The following PTPN14 variants were observed in gnomAD, a reference collection of about 807,000 sequenced individuals.
PTPN14 encodes the protein protein tyrosine phosphatase non-receptor type 14, also known as tyrosine-protein phosphatase non-receptor type 14.
In PTPN14, 53 loss-of-function variants were observed where a neutral mutation model predicts 126.8. That is an observed-to-expected ratio of 0.42 (90% CI 0.34 to 0.53). The LOEUF (loss-of-function observed/expected upper bound fraction) is 0.53, where lower values mean the gene tolerates loss of function less well. Among genes scored for constraint, PTPN14 ranks in the 20% least tolerant of loss-of-function variants. PTPN14 has a pLI of 0.08. For missense variants in PTPN14, 1,257 were observed against 1,552.9 expected (o/e 0.81, Z 3.20); for synonymous variants, 630 against 599.3 (o/e 1.05, Z -0.75).
intron 3 of PTPN14, among the ~76,000 whole-genome samples, chr1:214,419,713 G>A (rs1244477425): frequency 6.6e-6 from 1 of 152,160 alleles, no homozygotes; most frequent in Non-Finnish European, 1.5e-5. Flanking sequence ...AAAGAGACAA[G>A]TAGTCCTAGA....
chr1:214,531,541 C>CACACACACACACACAT (rs1655548596), intron 1 of PTPN14: 1 of 152,044 alleles, frequency 6.6e-6, no homozygotes, highest in Non-Finnish European at 1.5e-5. Flanking sequence ...CACACACACA[C>CACACACACACACACAT]ATTCTCTGCC....
intron 1 of PTPN14, among the ~76,000 whole-genome samples, chr1:214,497,219 C>T (rs1264194812): frequency 2.0e-5 from 3 of 152,040 alleles, no homozygotes; most frequent in East Asian, 1.9e-4. Flanking sequence ...TCAAAGAAAT[C>T]TCAATAATCG....
chr1:214,372,308 T>C lies in PTPN14; in HGVS notation c.3036+403A>G, dbSNP rs1472310849. 4 of 126,762 alleles carry C rather than the reference T, an allele frequency of 3.2e-5. No individual in the cohort carries two copies. In the Admixed American group the frequency reaches 3.4e-4, roughly 11 times the overall value. 7.9% of individuals were successfully genotyped at this position (126,762 alleles called of 1,614,324 possible). On this transcript the variant is annotated intron_variant, in intron 16 of 18. Coordinates refer to ENST00000366956, the MANE Select transcript of PTPN14 (RefSeq NM_005401.5). ...GGCATGTGGAGCTGGGTGCCTGGAG[T>C]TGGGCGTCTATGTCGATTTGCCCAG...
At chr1:214,483,405 C>T in intron 1 of PTPN14, 21 of 1,565,944 alleles carry the variant, frequency 1.3e-5, no homozygotes, top group Admixed American at 1.7e-5. Flanking sequence ...CCAGGCCGAC[C>T]GGGTGGGCAC....
rs562390293 is a variant in PTPN14 at position 214,406,513 on chromosome 1, A to C, written c.511-3560T>G. On this transcript the variant is annotated intron_variant, in intron 5 of 18. Transcript: ENST00000366956. Reference sequence around the variant, plus strand: ...AAAGAAAAAAAAAAGTAGCCAATGCAATCTAGCAACTAAATTTTTAATTTT... The same window carrying C: ...AAAGAAAAAAAAAAGTAGCCAATGCCATCTAGCAACTAAATTTTTAATTTT... Among the ~76,000 whole-genome samples, 6 of 152,218 alleles carry C rather than the reference A, an allele frequency of 3.9e-5. No individual in the cohort carries two copies. In the South Asian group the frequency reaches 1.2e-3, roughly 32 times the overall value.
At position 214,507,791 on chromosome 1, in the gene PTPN14, T is replaced by C. The variant is rs143080047; in HGVS notation, c.-154-42834A>G. 6.7e-3 allele frequency among the ~76,000 whole-genome samples: 1,019 copies of C among 152,270 alleles called. 16 individuals are homozygous for C. The highest frequency in any genetic ancestry group is 6.5e-3 in the Non-Finnish European group (440 of 68,022). On this transcript the variant is annotated intron_variant, in intron 1 of 18. Transcript: ENST00000366956. ...AGTTATGTTTGTTTTACACTATTAG[T>C]CTATAAAGTGTGCAAAAGCATCATG...
intron 1 of PTPN14, among the ~76,000 whole-genome samples, chr1:214,523,945 G>A (rs1655325498): frequency 6.6e-6 from 1 of 151,110 alleles, no homozygotes; most frequent in Non-Finnish European, 1.5e-5. Context: ...TGCCTCCTGG[G>A]TTCAAGTGAT....
At chr1:214,362,672 T>G (rs1657983091) in intron 18 of PTPN14, among the ~76,000 whole-genome samples, 1 of 152,180 alleles carries the variant, frequency 6.6e-6, no homozygotes, top group Non-Finnish European at 1.5e-5. Context: ...AATGGCTTCT[T>G]GAGTTGAAAA....
rs1271488213 is a variant in PTPN14, at chr1:214,495,080, CAG to C, written c.-154-30125_-154-30124del. ...CAGCATCATCCCAGAAAGGGACACA[CAG>C]AGTTACTCATTAAGGTGAAAAAATC... On this transcript the variant is annotated intron_variant, in intron 1 of 18. Transcript: ENST00000366956. Among the ~76,000 whole-genome samples, 3 of 152,296 alleles carry C rather than the reference CAG, an allele frequency of 2.0e-5. No individual in the cohort carries two copies. In the East Asian group the frequency reaches 5.8e-4, roughly 29 times the overall value.
chr1:214,378,023 AC>A lies in PTPN14; in HGVS notation c.2623del (p.Val875TrpfsTer26). ...CTCTTCCCGCCCTGAGACTCGAGCC[AC>A]CGAGAGCCCATTCAATGCTGCCAAC... ...LMLAALNGLS[V>X]ARVSGREENR... On this transcript the variant is annotated frameshift_variant, in exon 14 of 19. Coordinates refer to ENST00000366956, the MANE Select transcript of PTPN14 (RefSeq NM_005401.5). LOFTEE classifies it high-confidence loss of function. 6.2e-7 allele frequency: 1 copy of A among 1,613,162 alleles called. No homozygotes were observed. The highest frequency in any genetic ancestry group is 8.5e-7 in the Non-Finnish European group (1 of 1,179,974).
At chr1:214,466,256 C>A (rs75663463) in intron 1 of PTPN14, among the ~76,000 whole-genome samples, 7,154 of 150,360 alleles carry the variant, frequency 0.048, 212 homozygotes, top group South Asian at 0.082. Context: ...GCCAACGCAC[C>A]CGGCCAGTTA....
At chr1:214,424,677 GCCA>G (rs1659621187) in intron 3 of PTPN14, among the ~76,000 whole-genome samples, 1 of 152,014 alleles carries the variant, frequency 6.6e-6, no homozygotes, top group Admixed American at 6.5e-5. Context: ...AAAGGTGTGT[GCCA>G]CCACACCTGG....
chr1:214,439,322 C>A lies in PTPN14; in HGVS notation c.344+12483G>T, dbSNP rs60668111. On this transcript the variant is annotated intron_variant, in intron 3 of 18. Coordinates refer to ENST00000366956, the MANE Select transcript of PTPN14 (RefSeq NM_005401.5). ...CTTTTTCATGTTTTCCTTAGTTAGA[C>A]CTATGGGTTTCTCACATTAGTCACT... Among the ~76,000 whole-genome samples the A allele has an allele frequency of 3.5e-3, 540 of 152,238 alleles. 3 individuals carry two copies. The highest frequency in any genetic ancestry group is 0.012 in the African/African-American group (519 of 41,534).
intron 1 of PTPN14, among the ~76,000 whole-genome samples, chr1:214,509,682 T>A (rs1435947269): frequency 2.0e-5 from 3 of 152,176 alleles, no homozygotes; most frequent in Non-Finnish European, 2.9e-5. Context: ...TAAAGACACA[T>A]GCACATGTAT....
intron 3 of PTPN14, among the ~76,000 whole-genome samples, chr1:214,435,042 A>G (rs988041667): frequency 1.3e-5 from 2 of 152,242 alleles, no homozygotes; most frequent in African/African-American, 4.8e-5. Flanking sequence ...ATTCAAAGCC[A>G]TCCTAGGCTG....
intron 11 of PTPN14, among the ~76,000 whole-genome samples, chr1:214,388,321 G>C (rs932149842): frequency 4.6e-5 from 7 of 152,084 alleles, no homozygotes; most frequent in Non-Finnish European, 8.8e-5. Context: ...TTTGAAATAA[G>C]AGTTTTGATT....
intron 2 of PTPN14, among the ~76,000 whole-genome samples, chr1:214,463,653 T>A (rs1393026388): frequency 6.6e-6 from 1 of 152,164 alleles, no homozygotes; most frequent in Non-Finnish European, 1.5e-5. Flanking sequence ...AGAGGCCACA[T>A]GCAATCACTT....
intron 3 of PTPN14, among the ~76,000 whole-genome samples, chr1:214,423,319 T>G (rs1444684888): frequency 1.3e-5 from 2 of 152,032 alleles, no homozygotes; most frequent in Non-Finnish European, 2.9e-5. Context: ...AGAATGAGAC[T>G]GTCTCCCCGC....
chr1:214,436,644 G>A (rs1245411296), intron 3 of PTPN14, among the ~76,000 whole-genome samples: 1 of 151,980 alleles, frequency 6.6e-6, no homozygotes, highest in African/African-American at 2.4e-5. Context: ...AAAATTAGCT[G>A]GGCATGGTGG....
Sources: allele counts gnomAD v4.1 joint callset (sites outside exome capture counted in the v4.1 genomes callset), GRCh38; gene constraint gnomAD v4.1.1; transcripts MANE v1.5; gene names NCBI Gene and HGNC (gene_info 2026-07-23, HGNC 2026-07-21).